ANKRD30A: variants seen among roughly 807,000 people sequenced by gnomAD.
ANKRD30A encodes ankyrin repeat domain 30A, also known as ankyrin repeat domain-containing protein 30A.
In ANKRD30A, 170 loss-of-function variants were observed where a neutral mutation model predicts 166.3. The ratio of observed to expected loss-of-function variants is 1.02; its 90% CI spans 0.90 to 1.16. The LOEUF (loss-of-function observed/expected upper bound fraction) is 1.16. Ranked by LOEUF, ANKRD30A falls within the 50% of genes most tolerant of loss-of-function variation. The pLI, the probability that ANKRD30A is intolerant of heterozygous loss-of-function variation, is 0.00. For missense variants in ANKRD30A, 1,630 were observed against 1,518.0 expected, an observed-to-expected ratio of 1.07 and a Z score of -1.23; for synonymous variants, 564 against 508.9, an observed-to-expected ratio of 1.11 and a Z score of -1.46.
intron 8 of ANKRD30A, among the ~76,000 whole-genome samples, chr10:37,145,402 G>A (rs561942834): frequency 2.6e-5 from 4 of 152,190 alleles, no homozygotes; most frequent in East Asian, 1.9e-4. Context: ...ACTTGAACCC[G>A]GGAGGTGGAG....
the ANKRD30A span, among the ~76,000 whole-genome samples, chr10:37,253,639 T>TCA: frequency 6.8e-6 from 1 of 146,624 alleles, no homozygotes; most frequent in Non-Finnish European, 1.5e-5. Context: ...TATTATAAGG[T>TCA]TTTCTTTTTC....
At chr10:37,179,709 G>A (rs1840055659) in intron 24 of ANKRD30A, among the ~76,000 whole-genome samples, 1 of 139,420 alleles carries the variant, frequency 7.2e-6, no homozygotes, top group African/African-American at 2.6e-5. Context: ...GTAATGCAAT[G>A]ATATAAATTA....
rs867764777 is a variant in ANKRD30A at position 37,219,625 on chromosome 10, G to A, written c.3913G>A (p.Glu1305Lys). Residue 1305 changes from glutamate (E) to lysine (K), a missense_variant, in exon 34 of 36, where the codon GAA (glutamate) becomes AAA (lysine). Physicochemically the swap from Glu to Lys is moderately conservative, Grantham distance 56. Transcript: ENST00000361713. The stretch of plus-strand genomic sequence containing the variant: ...GGAAGCTGAACACATGTATCAAAAC[G>A]AACAAGATAATGTGAACAAACACAC... The part of the protein sequence containing the change: ...MKEAEHMYQN[E>K]QDNVNKHTEQ... 21 of 1,609,900 alleles carry A rather than the reference G, an allele frequency of 1.3e-5. No individual in the cohort carries two copies. The highest frequency in any genetic ancestry group is 5.4e-5 in the African/African-American group (4 of 74,522).
chr10:37,235,548 A>G (rs1236049112), downstream of ANKRD30A, among the ~76,000 whole-genome samples: 2 of 152,154 alleles, frequency 1.3e-5, no homozygotes, highest in African/African-American at 4.8e-5. Context: ...TGGTTACTTG[A>G]AAATATATTA....
chr10:37,162,158 T>A (rs147336994), intron 15 of ANKRD30A, among the ~76,000 whole-genome samples: 2,357 of 152,188 alleles, frequency 0.015, 26 homozygotes, highest in Middle Eastern at 0.044. Flanking sequence ...AAACAAATAT[T>A]CATATTTAGT....
In ANKRD30A at chr10:37,172,275, G is replaced by A. The variant is rs977424287; in HGVS notation, c.2258-1437G>A. ...TGGTGGTCCTTGGAGCTTGGTCTGA[G>A]TAGCAAAAGGAGAGGCCTTTCATGG... On this transcript the variant is annotated intron_variant, in intron 21 of 35. Transcript: ENST00000361713. 5.9e-4 allele frequency among the ~76,000 whole-genome samples: 66 copies of A among 112,436 alleles called. 5 individuals are homozygous for A. The highest frequency in any genetic ancestry group is 2.3e-3 in the African/African-American group (64 of 27,446). 73.8% of individuals were successfully genotyped at this position (112,436 alleles called of 152,430 possible). A position where few individuals can be genotyped will look rare whatever the true frequency, so the allele number is the denominator to read the frequency against.
At chr10:37,189,836 T>G (rs572839132) in intron 25 of ANKRD30A, among the ~76,000 whole-genome samples, 1 of 151,006 alleles carries the variant, frequency 6.6e-6, no homozygotes, top group Non-Finnish European at 1.5e-5. Context: ...ATAGAGTAAA[T>G]GAAGACTGAG....
chr10:37,251,695 T>A, the ANKRD30A span, among the ~76,000 whole-genome samples: 1 of 152,198 alleles, frequency 6.6e-6, no homozygotes, highest in African/African-American at 2.4e-5. Context: ...CAAAGCAACA[T>A]GATTATTTGG....
At chr10:37,221,310 A>G (rs1842888360) in intron 34 of ANKRD30A, among the ~76,000 whole-genome samples, 2 of 151,294 alleles carry the variant, frequency 1.3e-5, no homozygotes, top group African/African-American at 4.8e-5. Flanking sequence ...ATCAATAACA[A>G]ACATGTCTTG....
At chr10:37,251,121 T>C in the ANKRD30A span, among the ~76,000 whole-genome samples, 1 of 152,112 alleles carries the variant, frequency 6.6e-6, no homozygotes. Flanking sequence ...TAAGATTTGC[T>C]TCTAAAGAAG....
intron 27 of ANKRD30A, among the ~76,000 whole-genome samples, chr10:37,195,964 A>T (rs2132673919): frequency 6.6e-6 from 1 of 152,310 alleles, no homozygotes; most frequent in Non-Finnish European, 1.5e-5. Context: ...AAGAAGGAAA[A>T]GATAAACAGA....
chr10:37,193,980 A>C (rs1840832127), intron 27 of ANKRD30A, among the ~76,000 whole-genome samples: 1 of 152,278 alleles, frequency 6.6e-6, no homozygotes, highest in Admixed American at 6.5e-5. Context: ...AGATAAGTTA[A>C]GGTCAGGAGT....
At chr10:37,202,088 T>C (rs1401262720) in intron 31 of ANKRD30A, among the ~76,000 whole-genome samples, 7 of 152,038 alleles carry the variant, frequency 4.6e-5, no homozygotes, top group Non-Finnish European at 8.8e-5. Context: ...AGAGGCCTTT[T>C]GTGGGAAAAA....
intron 34 of ANKRD30A, among the ~76,000 whole-genome samples, chr10:37,220,542 G>C (rs1385607819): frequency 2.0e-5 from 3 of 150,840 alleles, no homozygotes; most frequent in Admixed American, 6.6e-5. Flanking sequence ...TTTTTTAAAG[G>C]CATCTGTGTT....
rs560735560 is a variant in ANKRD30A at position 37,193,959 on chromosome 10, G to C, written c.2614+701G>C. ...CCTGTAATGATAGCAGTTTGGGAGA[G>C]AAAGGCAGACAGATAAGTTAAGGTC... On this transcript the variant is annotated intron_variant, in intron 27 of 35. Transcript: ENST00000361713. 1.3e-4 allele frequency among the ~76,000 whole-genome samples: 20 copies of C among 152,262 alleles called. No homozygotes were observed. In the East Asian group the frequency reaches 2.5e-3, roughly 19 times the overall value.
Position 37,197,445 on chromosome 10 carries a change from C to T in ANKRD30A, c.2681C>T (p.Ala894Val), listed in dbSNP as rs1841224145. 5 of 1,612,484 alleles carry T rather than the reference C, an allele frequency of 3.1e-6. No individual in the cohort carries two copies. The highest frequency in any genetic ancestry group is 4.2e-6 in the Non-Finnish European group (5 of 1,179,672). Residue 894 changes from alanine to valine, a missense_variant, in exon 29 of 36, where the codon GCC (alanine) becomes GTC (valine). Around this residue, in one of 4 missense-constraint regions of ANKRD30A, gnomAD observed 712 missense variants for 629.3 expected, o/e 1.13. Coordinates refer to ENST00000361713, the MANE Select transcript of ANKRD30A (RefSeq NM_052997.3). ...IEMQKSVPNK[A>V]LELKNEQTLR... ...ATGCAAAAGTCTGTTCCAAATAAAG[C>T]CTTGGAATTGAAGAATGAACAAACA...
At chr10:37,253,951 A>G in the ANKRD30A span, among the ~76,000 whole-genome samples, 1 of 152,104 alleles carries the variant, frequency 6.6e-6, no homozygotes, top group African/African-American at 2.4e-5. Flanking sequence ...CGCCCAGTCT[A>G]TTATAAAGGT....
At position 37,142,099 on chromosome 10, in the gene ANKRD30A, A is replaced by T; in HGVS notation, c.1202A>T (p.Glu401Val). 6.2e-7 allele frequency: 1 copy of T among 1,613,016 alleles called. No individual in the cohort carries two copies. The change falls in exon 7 of 36, where the codon GAA becomes GTA. Residue 401 changes from glutamate to valine, a missense_variant. By Grantham distance (121) the Glu-to-Val change is moderately radical. Coordinates refer to ENST00000361713, the MANE Select transcript of ANKRD30A (RefSeq NM_052997.3). ...TPREIMSPAK[E>V]TSEKFTWAAK... ...AGGGAAATTATGAGTCCCGCAAAAG[A>T]AACATCTGAGAAATTTACGTGGGCA...
At chr10:37,262,074 G>A in the ANKRD30A span, 4 of 152,238 alleles carry the variant, frequency 2.6e-5, no homozygotes, top group Non-Finnish European at 4.4e-5. Context: ...AGGCCTGAAT[G>A]GTTATGAAGT....
Sources: allele counts gnomAD v4.1 joint callset (sites outside exome capture counted in the v4.1 genomes callset), GRCh38; gene constraint gnomAD v4.1.1; regional missense constraint gnomAD v4.1.1; transcripts MANE v1.5; gene names NCBI Gene and HGNC (gene_info 2026-07-23, HGNC 2026-07-21).